The following CERS6 variants were observed in gnomAD, a reference collection of about 807,000 sequenced individuals.
The protein encoded by CERS6 is LAG1 homolog, ceramide synthase 6.
CERS6 carries 26 observed loss-of-function variants against 56.8 expected under a neutral mutation model. The observed-to-expected ratio is 0.46, with a 90% CI of 0.34 to 0.63. The LOEUF (loss-of-function observed/expected upper bound fraction) is 0.63, where lower values mean the gene tolerates loss of function less well. CERS6 is among the 30% of genes least tolerant of loss of function. The pLI, the probability that CERS6 is intolerant of heterozygous loss-of-function variation, is 0.01. For synonymous variants in CERS6, 164 were observed against 173.3 expected (o/e 0.95, Z 0.42); for missense variants, 415 against 467.5 (o/e 0.89, Z 1.04).
chr2:168,737,943 T>C (rs1030536918), intron 8 of CERS6, among the ~76,000 whole-genome samples: 1 of 152,214 alleles, frequency 6.6e-6, no homozygotes, highest in Admixed American at 6.5e-5. Context: ...TTTAAGAGTT[T>C]GAAATATGTA....
chr2:168,728,781 A>C (rs1384433707), intron 8 of CERS6, among the ~76,000 whole-genome samples: 1 of 151,650 alleles, frequency 6.6e-6, no homozygotes, highest in Non-Finnish European at 1.5e-5. Flanking sequence ...CGAGGAGGGC[A>C]GACTACCTGA....
chr2:168,664,150 C>T (rs1474042968), intron 4 of CERS6, among the ~76,000 whole-genome samples: 3 of 152,292 alleles, frequency 2.0e-5, no homozygotes, highest in East Asian at 3.9e-4. Context: ...GCTGCCAACT[C>T]GACAGCCCCT....
At chr2:168,767,356 A>G (rs1684752969) in intron 9 of CERS6, among the ~76,000 whole-genome samples, 1 of 152,206 alleles carries the variant, frequency 6.6e-6, no homozygotes, top group Non-Finnish European at 1.5e-5. Flanking sequence ...TCTAAGTGCA[A>G]TTTAAAAAAT....
chr2:168,726,094 T>C (rs1005429483), intron 8 of CERS6, among the ~76,000 whole-genome samples: 5 of 152,374 alleles, frequency 3.3e-5, no homozygotes, highest in South Asian at 2.1e-4. Context: ...TTACAGTGGC[T>C]ACTCAGTATT....
intron 3 of CERS6, among the ~76,000 whole-genome samples, chr2:168,599,674 T>A (rs1683885957): frequency 6.6e-6 from 1 of 152,248 alleles, no homozygotes; most frequent in Non-Finnish European, 1.5e-5. Flanking sequence ...GAGAGCTTTA[T>A]GTTGGTTTTA....
At chr2:168,742,355 G>A (rs1414782504) in intron 8 of CERS6, among the ~76,000 whole-genome samples, 3 of 152,278 alleles carry the variant, frequency 2.0e-5, no homozygotes, top group Admixed American at 6.5e-5. Flanking sequence ...ATGCGTATGG[G>A]TATAAATATT....
At chr2:168,488,237 C>T (rs1334082393) in intron 1 of CERS6, among the ~76,000 whole-genome samples, 1 of 152,086 alleles carries the variant, frequency 6.6e-6, no homozygotes, top group Non-Finnish European at 1.5e-5. Context: ...TTGATGAACA[C>T]AGCTTAATAC....
chr2:168,744,303 G>A (rs1029503624), intron 8 of CERS6, among the ~76,000 whole-genome samples: 2 of 152,166 alleles, frequency 1.3e-5, no homozygotes, highest in Admixed American at 6.5e-5. Context: ...ACCGTTCCCG[G>A]CCTGTTACTG....
In CERS6 at chr2:168,691,054, G is replaced by A. The variant is rs1686487877; in HGVS notation, c.486G>A (p.Thr162=). 10 of 1,613,200 alleles carry A rather than the reference G, an allele frequency of 6.2e-6. No individual in the cohort carries two copies. Among genetic ancestry groups the A allele is most frequent in the South Asian group, 2.2e-5 (2 of 91,038 alleles). ...FLKKTPWLWN[T]RHCWYNYPYQ... ...TTCAGACCCCCTGGTTGTGGAATACGAGGCATTGCTGGTACAACTACCCCT... is the reference window on the plus strand; with the variant it reads ...TTCAGACCCCCTGGTTGTGGAATACAAGGCATTGCTGGTACAACTACCCCT... Residue 162 remains threonine, a synonymous_variant, in exon 5 of 10, where the codon ACG becomes ACA. Coordinates refer to ENST00000305747, the MANE Select transcript of CERS6 (RefSeq NM_203463.3).
At chr2:168,495,576 G>T (rs1010468634) in intron 1 of CERS6, among the ~76,000 whole-genome samples, 21 of 152,182 alleles carry the variant, frequency 1.4e-4, no homozygotes, top group African/African-American at 4.8e-4. Flanking sequence ...TCCCAGGAGG[G>T]TGAAGGGCCA....
intron 4 of CERS6, among the ~76,000 whole-genome samples, chr2:168,683,625 A>G (rs1024242442): frequency 1.7e-4 from 26 of 152,026 alleles, no homozygotes; most frequent in African/African-American, 6.0e-4. Flanking sequence ...CCCTCCCTCT[A>G]GGTCTTTCTA....
chr2:168,546,408 GTCTTA>G (rs1695467050), intron 1 of CERS6, among the ~76,000 whole-genome samples: 1 of 152,176 alleles, frequency 6.6e-6, no homozygotes, highest in African/African-American at 2.4e-5. Context: ...CATTTTCTCT[GTCTTA>G]TCTTTCCTGG....
At chr2:168,553,788 G>C (rs1048996646) in intron 2 of CERS6, among the ~76,000 whole-genome samples, 1 of 152,104 alleles carries the variant, frequency 6.6e-6, no homozygotes, top group African/African-American at 2.4e-5. Flanking sequence ...AAGGAATGGT[G>C]ACAGACAGAA....
At chr2:168,758,492 G>C (rs1190204289) in intron 8 of CERS6, among the ~76,000 whole-genome samples, 1 of 152,168 alleles carries the variant, frequency 6.6e-6, no homozygotes, top group African/African-American at 2.4e-5. Flanking sequence ...CTTTGGTTAA[G>C]GTAGGGGAGG....
At chr2:168,749,455 A>AGG (rs954646297) in intron 8 of CERS6, among the ~76,000 whole-genome samples, 2 of 152,174 alleles carry the variant, frequency 1.3e-5, no homozygotes, top group Admixed American at 1.3e-4. Context: ...CAGCACTTCC[A>AGG]GGGAGCCACA....
At chr2:168,575,257 G>A (rs1683233596) in intron 3 of CERS6, among the ~76,000 whole-genome samples, 2 of 152,118 alleles carry the variant, frequency 1.3e-5, no homozygotes, top group African/African-American at 4.8e-5. Context: ...TTTTCACACT[G>A]CTATAAAGAT....
intron 6 of CERS6, among the ~76,000 whole-genome samples, chr2:168,702,027 A>G (rs1686817870): frequency 6.6e-6 from 1 of 152,268 alleles, no homozygotes. Flanking sequence ...TATACATTCT[A>G]TACATGTTCA....
intron 3 of CERS6, among the ~76,000 whole-genome samples, chr2:168,607,570 C>T (rs958403740): frequency 2.6e-5 from 4 of 151,990 alleles, no homozygotes; most frequent in African/African-American, 7.3e-5. Flanking sequence ...TTAGTAGAGA[C>T]GGGGTTTCAC....
intron 1 of CERS6, among the ~76,000 whole-genome samples, chr2:168,484,554 T>C (rs1558967100): frequency 6.6e-6 from 1 of 152,086 alleles, no homozygotes; most frequent in Non-Finnish European, 1.5e-5. Context: ...TAAGGTGACA[T>C]GTACCTTCAT....
Sources: gnomAD v4.1 joint callset for allele counts (sites outside exome capture counted in the v4.1 genomes callset) on GRCh38, gnomAD v4.1.1 for gene constraint, MANE v1.5 for transcripts, NCBI Gene and HGNC (gene_info 2026-07-23, HGNC 2026-07-21) for gene names.